Variants in CHST15 observed in about 807,000 individuals in gnomAD.
The protein encoded by CHST15 is B cell RAG associated protein (GALNAC4S-6ST).
Under a neutral mutation model 53.6 loss-of-function variants are expected in CHST15, and 30 were observed. The observed-to-expected ratio is 0.56, with a 90% CI of 0.42 to 0.76. CHST15 has a LOEUF of 0.76. Ranked by LOEUF, CHST15 falls within the 30% of genes least tolerant of loss-of-function variation. The pLI is 0.00. For synonymous variants in CHST15, 296 were observed against 289.8 expected (o/e 1.02, Z -0.22); for missense variants, 627 against 740.5 (o/e 0.85, Z 1.78).
At chr10:124,082,111 T>C (rs1949267086) in intron 1 of CHST15, among the ~76,000 whole-genome samples, 1 of 152,070 alleles carries the variant, frequency 6.6e-6, no homozygotes, top group African/African-American at 2.4e-5. Flanking sequence ...GACAGACAGA[T>C]GGGTGAAAGG....
At chr10:124,053,230 C>T (rs561633068) in intron 1 of CHST15, among the ~76,000 whole-genome samples, 21 of 152,324 alleles carry the variant, frequency 1.4e-4, no homozygotes, top group South Asian at 8.3e-4. Context: ...ACAGGAGTGA[C>T]GTATTTCTCC....
chr10:124,045,528 AG>A, intron 2 of CHST15, 138 bp downstream of exon 2: 1 of 871,764 alleles, frequency 1.1e-6, no homozygotes, highest in African/African-American at 1.7e-5. Context: ...CAAATCCATA[AG>A]GCTGTCAAAT....
chr10:124,058,982 C>T (rs779119424), intron 1 of CHST15, among the ~76,000 whole-genome samples: 1 of 152,026 alleles, frequency 6.6e-6, no homozygotes, highest in Non-Finnish European at 1.5e-5. Flanking sequence ...AAACTGTGGC[C>T]CAGAGAATGT....
Position 124,036,300 on chromosome 10 carries a change from G to A in CHST15, c.1190+2215C>T, listed in dbSNP as rs1036434914. On this transcript the variant is annotated intron_variant, in intron 5 of 7. Transcript: ENST00000435907. This position sits in a 1 kb window ranked among gnomAD's most constrained non-coding sequence, Gnocchi z 5.1. The stretch of plus-strand genomic sequence containing the variant: ...GGGCCGATTTCTGCCTCCAAAACAC[G>A]GGAACCAGCAGGTGGGACATGGCAA... Among the ~76,000 whole-genome samples the A allele has an allele frequency of 2.0e-5, 3 of 152,208 alleles. No homozygotes were observed. Among genetic ancestry groups the A allele is most frequent in the African/African-American group, 7.2e-5 (3 of 41,442 alleles).
rs548018228 is a variant in CHST15 at position 124,037,956 on chromosome 10, TG to T, written c.1190+558del. On this transcript the variant is annotated intron_variant, in intron 5 of 7. Coordinates refer to ENST00000435907, the MANE Select transcript of CHST15 (RefSeq NM_001270764.2). ...GTCCTGTGCCCCTGGTCAGGCCTGC[TG>T]GGGCTGAAGTCACACAGACCAGGAT... Among the ~76,000 whole-genome samples the T allele has an allele frequency of 4.5e-3, 680 of 152,290 alleles. 10 individuals are homozygous for T. The highest frequency in any genetic ancestry group is 0.016 in the African/African-American group (666 of 41,544).
At chr10:124,048,725 G>A (rs1056827312) in intron 1 of CHST15, among the ~76,000 whole-genome samples, 1 of 152,210 alleles carries the variant, frequency 6.6e-6, no homozygotes. Flanking sequence ...TCAGCGGGGA[G>A]GGAATTCGCA....
At chr10:124,064,481 C>T (rs539614271) in intron 1 of CHST15, among the ~76,000 whole-genome samples, 9 of 152,264 alleles carry the variant, frequency 5.9e-5, no homozygotes, top group South Asian at 2.1e-4. Flanking sequence ...GGGTGCGCAG[C>T]GTAGGCACAG....
chr10:124,049,310 G>A (rs1334545410), intron 1 of CHST15, among the ~76,000 whole-genome samples: 2 of 152,172 alleles, frequency 1.3e-5, no homozygotes, highest in African/African-American at 4.8e-5. Context: ...CTGAATGATG[G>A]GGTGAGAGAA....
At chr10:124,043,688 G>C (rs1411244090) in intron 3 of CHST15, among the ~76,000 whole-genome samples, 1 of 152,266 alleles carries the variant, frequency 6.6e-6, no homozygotes, top group African/African-American at 2.4e-5. Flanking sequence ...GGAGCAGAGA[G>C]GGATGGGCAG....
chr10:124,011,050 A>C lies in CHST15; in HGVS notation c.1496-711T>G, dbSNP rs541790383. On this transcript the variant is annotated intron_variant, in intron 7 of 7. Coordinates refer to ENST00000435907, the MANE Select transcript of CHST15 (RefSeq NM_001270764.2). ...CCACGCCCCGCCCTCTGGAGTGAGGAGAGGCCCTGGAAAAGGCCGGGAGGG... is the reference window on the plus strand; with the variant it reads ...CCACGCCCCGCCCTCTGGAGTGAGGCGAGGCCCTGGAAAAGGCCGGGAGGG... 2.2e-4 allele frequency: 213 copies of C among 980,310 alleles called. 2 individuals carry two copies. The highest frequency in any genetic ancestry group is 1.7e-3 in the African/African-American group (95 of 55,900). 60.7% of individuals were successfully genotyped at this position (980,310 alleles called of 1,614,324 possible).
chr10:124,039,656 G>A (rs932885216), intron 4 of CHST15, among the ~76,000 whole-genome samples: 58 of 152,330 alleles, frequency 3.8e-4, no homozygotes, highest in African/African-American at 1.3e-3. Context: ...GCAAACACAC[G>A]TCCCAGCACA....
At chr10:124,079,124 GA>G (rs78007525) in intron 1 of CHST15, among the ~76,000 whole-genome samples, 10,370 of 151,202 alleles carry the variant, frequency 0.069, 904 homozygotes, top group East Asian at 0.21. Context: ...AAACTACTCA[GA>G]AAAAAAAATT....
intron 1 of CHST15, among the ~76,000 whole-genome samples, chr10:124,073,685 T>C (rs1273221326): frequency 1.3e-5 from 2 of 152,248 alleles, no homozygotes; most frequent in Non-Finnish European, 2.9e-5. Context: ...GGCGCATGAA[T>C]GAGCCAATGC....
intron 1 of CHST15, among the ~76,000 whole-genome samples, chr10:124,073,351 C>T (rs1239732489): frequency 6.6e-6 from 1 of 152,168 alleles, no homozygotes; most frequent in Non-Finnish European, 1.5e-5. Context: ...AGAGACAGCA[C>T]AAAACAGGCC....
chr10:124,069,525 G>A (rs754594672), intron 1 of CHST15, among the ~76,000 whole-genome samples: 24 of 152,230 alleles, frequency 1.6e-4, no homozygotes, highest in Non-Finnish European at 2.4e-4. Flanking sequence ...AGATGAGTGA[G>A]CCTCAAAGGC....
Position 124,042,410 on chromosome 10 carries a change from A to T in CHST15, c.924T>A (p.Tyr308Ter). 1.9e-6 allele frequency: 3 copies of T among 1,614,192 alleles called. No individual in the cohort carries two copies. The highest frequency in any genetic ancestry group is 2.5e-6 in the Non-Finnish European group (3 of 1,180,028). Residue 308 changes from tyrosine (Y) to a stop codon, truncating the protein, a stop_gained, in exon 4 of 8, where the codon TAT becomes TAA. Coordinates refer to ENST00000435907, the MANE Select transcript of CHST15 (RefSeq NM_001270764.2). LOFTEE classifies it high-confidence loss of function. Reference protein sequence around the residue: ...VRLRDGLRDRYPVEDYLDLFD... With the variant: ...VRLRDGLRDR ...AGAGGTCCAGATAATCTTCCACGGG[A>T]TAGCGGTCTCGCAGCCCATCTCTTA...
intron 1 of CHST15, among the ~76,000 whole-genome samples, chr10:124,061,249 C>A (rs540802368): frequency 6.6e-6 from 1 of 152,266 alleles, no homozygotes; most frequent in South Asian, 2.1e-4. Context: ...TCCCAGAATT[C>A]CCACGTGTTG....
At chr10:124,076,210 G>A (rs569844091) in intron 1 of CHST15, among the ~76,000 whole-genome samples, 1 of 152,300 alleles carries the variant, frequency 6.6e-6, no homozygotes, top group South Asian at 2.1e-4. Flanking sequence ...CAGGACTTGA[G>A]GCTTATACAC....
rs1248529306 is a variant in CHST15, at chr10:124,044,678, T to C, written c.788A>G (p.Lys263Arg). The part of the protein sequence containing the change: ...LPHFYIIGQP[K>R]CGTTDLYDRL... ...GTCATAGAGGTCTGTGGTCCCGCAC[T>C]TGGGCTGCCCTATGATGTAGAAGTG... The change falls in exon 3 of 8, where the codon AAG (lysine) becomes AGG (arginine). Residue 263 changes from lysine (K) to arginine (R), a missense_variant. Physicochemically the swap from Lys to Arg is conservative, Grantham distance 26. Around this residue, in one of 3 missense-constraint regions of CHST15, gnomAD observed 161 missense variants for 117.2 expected, o/e 1.37. Transcript: ENST00000435907. 18 of 1,613,580 alleles carry C rather than the reference T, an allele frequency of 1.1e-5. No individual in the cohort carries two copies. The highest frequency in any genetic ancestry group is 1.5e-5 in the Non-Finnish European group (18 of 1,179,762).
Sources: gnomAD v4.1 joint callset for allele counts (sites outside exome capture counted in the v4.1 genomes callset) on GRCh38, gnomAD v4.1.1 for gene constraint, gnomAD v4.1.1 regional missense constraint, Gnocchi (gnomAD v3.1) non-coding constraint, MANE v1.5 for transcripts, NCBI Gene and HGNC (gene_info 2026-07-23, HGNC 2026-07-21) for gene names.